Variants in RFTN2 observed in about 807,000 individuals in gnomAD.
RFTN2 encodes raftlin-2.
Under a neutral mutation model 52.7 loss-of-function variants are expected in RFTN2, and 34 were observed. The ratio of observed to expected loss-of-function variants is 0.64; its 90% CI spans 0.49 to 0.86. The LOEUF is 0.86. RFTN2 is among the 40% of genes least tolerant of loss of function. The pLI, the probability that RFTN2 is intolerant of heterozygous loss-of-function variation, is 0.00. For missense variants in RFTN2, 536 were observed against 600.1 expected, an observed-to-expected ratio of 0.89 and a Z score of 1.12; for synonymous variants, 203 against 217.7, an observed-to-expected ratio of 0.93 and a Z score of 0.59.
chr2:197,611,514 T>C (rs935249216), intron 7 of RFTN2, among the ~76,000 whole-genome samples: 8 of 152,212 alleles, frequency 5.3e-5, no homozygotes, highest in Admixed American at 5.2e-4. Flanking sequence ...TCTTCTTTAT[T>C]AGTCTGGCTA....
chr2:197,635,511 A>G (rs1192854411), intron 3 of RFTN2, among the ~76,000 whole-genome samples: 2 of 150,926 alleles, frequency 1.3e-5, no homozygotes, highest in East Asian at 1.9e-4. Flanking sequence ...TTTTTCATGT[A>G]TTTTTTGGCT....
intron 8 of RFTN2, among the ~76,000 whole-genome samples, chr2:197,573,044 T>G (rs951424204): frequency 1.3e-5 from 2 of 151,636 alleles, no homozygotes; most frequent in African/African-American, 4.9e-5. Context: ...CAGTCTCGGG[T>G]ATGTCTTTAT....
intron 1 of RFTN2, among the ~76,000 whole-genome samples, chr2:197,663,107 T>C (rs2089001804): frequency 6.6e-6 from 1 of 152,190 alleles, no homozygotes; most frequent in African/African-American, 2.4e-5. Context: ...ATCATATGTT[T>C]TTTGTCCTTC....
At chr2:197,589,758 T>C (rs72914995) in intron 8 of RFTN2, among the ~76,000 whole-genome samples, 2 of 152,326 alleles carry the variant, frequency 1.3e-5, no homozygotes, top group East Asian at 3.9e-4. Context: ...TAAAATCGTT[T>C]GTCATGTATA....
chr2:197,668,534 C>T (rs1189900030), intron 1 of RFTN2, among the ~76,000 whole-genome samples: 1 of 152,130 alleles, frequency 6.6e-6, no homozygotes, highest in African/African-American at 2.4e-5. Context: ...AGCCTGTGGT[C>T]ATTGATGCCT....
Position 197,595,984 on chromosome 2 carries a change from T to C in RFTN2, c.1233+7A>G. On this transcript the variant is annotated splice_region_variant and intron_variant, in intron 8 of 8. Transcript: ENST00000295049. ...CATTCAGTTAATAAAGCATCAATTT[T>C]ACTCACATCTGGTGTTTGAGCAGCT... 6.4e-7 allele frequency: 1 copy of C among 1,568,186 alleles called. No individual in the cohort carries two copies.
intron 3 of RFTN2, among the ~76,000 whole-genome samples, chr2:197,637,814 C>T (rs1559359339): frequency 6.6e-6 from 1 of 151,842 alleles, no homozygotes; most frequent in Non-Finnish European, 1.5e-5. Flanking sequence ...TTTTCTAGTT[C>T]TTTTAATTGT....
chr2:197,618,917 C>A (rs1364154478), intron 5 of RFTN2, among the ~76,000 whole-genome samples: 1 of 151,182 alleles, frequency 6.6e-6, no homozygotes, highest in African/African-American at 2.4e-5. Context: ...AAGTGAGGAG[C>A]GTCTCTGCCC....
chr2:197,634,534 A>G (rs1255191665), intron 3 of RFTN2, among the ~76,000 whole-genome samples: 2 of 152,022 alleles, frequency 1.3e-5, no homozygotes, highest in African/African-American at 2.4e-5. Flanking sequence ...TACTCTTACA[A>G]AGCTTTCTGA....
chr2:197,615,969 A>T lies in RFTN2; in HGVS notation c.1061T>A (p.Ile354Asn). ...CAGCAGAGGGCCATAATCTGTTTTG[A>T]TTTCACATCCCTGCATGAATAAGTA... is the stretch of plus-strand genomic sequence containing the variant. The part of the protein sequence containing the change: ...EQWTVIEGCE[I>N]KTDYGPLLHT... Residue 354 changes from isoleucine (I) to asparagine (N), a missense_variant, in exon 7 of 9, where the codon ATC becomes AAC. Physicochemically the swap from Ile to Asn is moderately radical, Grantham distance 149. Coordinates refer to ENST00000295049, the MANE Select transcript of RFTN2 (RefSeq NM_144629.3). 1.3e-6 allele frequency: 2 copies of T among 1,550,454 alleles called. No homozygotes were observed. Among genetic ancestry groups the T allele is most frequent in the Non-Finnish European group, 8.7e-7 (1 of 1,143,936 alleles).
chr2:197,635,306 CA>C (rs1191631926), intron 3 of RFTN2, among the ~76,000 whole-genome samples: 1 of 148,552 alleles, frequency 6.7e-6, no homozygotes, highest in African/African-American at 2.4e-5. Flanking sequence ...CCTGAGGAGT[CA>C]CCACACTGAC....
At chr2:197,616,239 A>G (rs1395408935) in intron 6 of RFTN2, among the ~76,000 whole-genome samples, 2 of 89,238 alleles carry the variant, frequency 2.2e-5, no homozygotes, top group Non-Finnish European at 5.0e-5. Flanking sequence ...TCGAAATTTA[A>G]TACATGGGGT....
At chr2:197,608,526 C>G (rs1424370968) in intron 7 of RFTN2, among the ~76,000 whole-genome samples, 1 of 151,238 alleles carries the variant, frequency 6.6e-6, no homozygotes, top group Non-Finnish European at 1.5e-5. Context: ...GTTAGCTAGG[C>G]TGGTCTCAAA....
intron 7 of RFTN2, among the ~76,000 whole-genome samples, chr2:197,598,744 T>A (rs572123900): frequency 6.6e-6 from 1 of 152,242 alleles, no homozygotes; most frequent in African/African-American, 2.4e-5. Context: ...GCACAGTAAA[T>A]TTGGGAACCA....
chr2:197,633,870 C>G lies in RFTN2; in HGVS notation c.566G>C (p.Gly189Ala). ...CCAACTTCTACAGTTTTCATCTGAA[C>G]CGTGTCTCACATGTAGCATCGATTC... ...DIESMLHVRH[G>A]SDENCRSWNE... Residue 189 changes from glycine (G) to alanine (A), a missense_variant, in exon 4 of 9, where the codon GGT (glycine) becomes GCT (alanine). Transcript: ENST00000295049. 6.2e-7 allele frequency: 1 copy of G among 1,613,942 alleles called. No individual in the cohort carries two copies. The highest frequency in any genetic ancestry group is 8.5e-7 in the Non-Finnish European group (1 of 1,179,878).
At chr2:197,654,604 G>C (rs1232881935) in intron 1 of RFTN2, among the ~76,000 whole-genome samples, 1 of 152,162 alleles carries the variant, frequency 6.6e-6, no homozygotes, top group Non-Finnish European at 1.5e-5. Flanking sequence ...GAAGCTTGGA[G>C]ACCCACTGGG....
chr2:197,620,413 C>T (rs749780850), intron 5 of RFTN2, among the ~76,000 whole-genome samples: 2 of 152,142 alleles, frequency 1.3e-5, no homozygotes, highest in Non-Finnish European at 2.9e-5. Context: ...TTAAACATTT[C>T]GGTTTTTGTG....
chr2:197,654,720 G>A (rs1448596733), intron 1 of RFTN2, among the ~76,000 whole-genome samples: 1 of 152,102 alleles, frequency 6.6e-6, no homozygotes, highest in African/African-American at 2.4e-5. Flanking sequence ...AATATAGGCT[G>A]GGCATGGTGG....
intron 2 of RFTN2, among the ~76,000 whole-genome samples, chr2:197,646,137 C>G (rs991077956): frequency 6.6e-6 from 1 of 152,194 alleles, no homozygotes; most frequent in African/African-American, 2.4e-5. Context: ...GTCTGGTCAG[C>G]TCTTTAGCCT....
Sources: gnomAD v4.1 joint callset for allele counts (sites outside exome capture counted in the v4.1 genomes callset) on GRCh38, gnomAD v4.1.1 for gene constraint, MANE v1.5 for transcripts, NCBI Gene and HGNC (gene_info 2026-07-23, HGNC 2026-07-21) for gene names.